Variants in SLC44A1 observed in about 807,000 individuals in gnomAD.
SLC44A1 encodes solute carrier family 44 member 1, also known as choline transporter-like protein 1.
Under a neutral mutation model 79.3 loss-of-function variants are expected in SLC44A1, and 26 were observed. The observed-to-expected ratio is 0.33, with a 90% CI of 0.24 to 0.46. The LOEUF is 0.46. Ranked by LOEUF, SLC44A1 falls within the 20% of genes least tolerant of loss-of-function variation. The pLI is 1.00. For synonymous variants in SLC44A1, 263 were observed against 286.2 expected (o/e 0.92, Z 0.82); for missense variants, 688 against 798.1 (o/e 0.86, Z 1.66).
chr9:105,265,911 T>C (rs571323241), intron 1 of SLC44A1, among the ~76,000 whole-genome samples: 1 of 152,284 alleles, frequency 6.6e-6, no homozygotes, highest in East Asian at 1.9e-4. Flanking sequence ...TCTGTATATC[T>C]TTCTTGGTGT....
chr9:105,321,198 G>C (rs138831881), intron 3 of SLC44A1, among the ~76,000 whole-genome samples: 4 of 151,830 alleles, frequency 2.6e-5, no homozygotes, highest in African/African-American at 9.7e-5. Flanking sequence ...TTTAGTTAGC[G>C]CTTATGTTGA....
chr9:105,295,596 T>G (rs918994839), intron 1 of SLC44A1, among the ~76,000 whole-genome samples: 4 of 152,234 alleles, frequency 2.6e-5, no homozygotes, highest in Admixed American at 6.5e-5. Flanking sequence ...ATAACACATC[T>G]CACTTGCTTT....
chr9:105,388,141 A>T (rs1414061278), intron 15 of SLC44A1, among the ~76,000 whole-genome samples: 2 of 152,204 alleles, frequency 1.3e-5, no homozygotes, highest in African/African-American at 4.8e-5. Flanking sequence ...TTAAATGGTT[A>T]AAAAGTTCCC....
Position 105,404,612 on chromosome 9 carries a change from CTGTAGGACTACGATGA to C in SLC44A1, c.1950+19112_1950+19127del, listed in dbSNP as rs1162526569. ...TAAAATGTTATATGCTCAGCCTGTG[CTGTAGGACTACGATGA>C]TAAATAAATGAACTTAGGGGATAGG... On this transcript the variant is annotated intron_variant, in intron 15 of 15. Coordinates refer to the SLC44A1 transcript ENST00000374724. 2.5e-3 allele frequency among the ~76,000 whole-genome samples: 375 copies of C among 152,324 alleles called. 4 individuals are homozygous for C. The highest frequency in any genetic ancestry group is 3.4e-3 in the Middle Eastern group (1 of 294).
At chr9:105,364,049 A>C (rs866091776) in intron 9 of SLC44A1, among the ~76,000 whole-genome samples, 2 of 152,308 alleles carry the variant, frequency 1.3e-5, no homozygotes, top group Middle Eastern at 6.8e-3. Flanking sequence ...ATAGTTAGAC[A>C]CTCAGACTTT....
chr9:105,358,324 G>A lies in SLC44A1; in HGVS notation c.671-20G>A, dbSNP rs766827429. ...TGCATTTTCAAATAATATTCTATAT[G>A]TTCTCTATCTTCCCTGCAGTTCTAT... is the stretch of plus-strand genomic sequence containing the variant. On this transcript the variant is annotated intron_variant, in intron 6 of 15. Transcript: ENST00000374720. 2.3e-6 allele frequency: 3 copies of A among 1,298,516 alleles called. No individual in the cohort carries two copies. The Admixed American group carries it at 5.4e-5, about 23-fold the overall frequency. The allele number at this position is 1,298,516 out of a possible 1,614,324, so 80.4% of individuals were successfully genotyped here.
intron 6 of SLC44A1, chr9:105,357,086 A>G (rs1002507379): frequency 6.6e-6 from 1 of 152,206 alleles, no homozygotes; most frequent in Non-Finnish European, 1.5e-5. Flanking sequence ...AATTATAGCC[A>G]TTGAGAAGAT....
intron 3 of SLC44A1, among the ~76,000 whole-genome samples, chr9:105,312,090 G>A (rs1444820470): frequency 1.3e-5 from 2 of 152,058 alleles, no homozygotes; most frequent in African/African-American, 2.4e-5. Context: ...ACTGTCAGCC[G>A]CTAGTACAGT....
chr9:105,266,977 G>A (rs1829977021), intron 1 of SLC44A1, among the ~76,000 whole-genome samples: 1 of 151,300 alleles, frequency 6.6e-6, no homozygotes, highest in Admixed American at 6.6e-5. Flanking sequence ...CCTTCTTTGA[G>A]TTTTTTTTTC....
chr9:105,354,123 T>G (rs928818495), intron 5 of SLC44A1, among the ~76,000 whole-genome samples: 1 of 135,682 alleles, frequency 7.4e-6, no homozygotes, highest in Non-Finnish European at 1.5e-5. Flanking sequence ...CGATCTCGGC[T>G]CACTGCAAGC....
Position 105,347,857 on chromosome 9 carries a change from T to C in SLC44A1, c.407-501T>C, listed in dbSNP as rs189862698. ...GTGTTATATGCATTAATTGTAAGCATTTAGTAATTGAAAGCATAGGAAAAA... is the reference window on the plus strand; with the variant it reads ...GTGTTATATGCATTAATTGTAAGCACTTAGTAATTGAAAGCATAGGAAAAA... On this transcript the variant is annotated intron_variant, in intron 4 of 15. Coordinates refer to ENST00000374720, the MANE Select transcript of SLC44A1 (RefSeq NM_080546.5). Among the ~76,000 whole-genome samples the C allele has an allele frequency of 3.2e-4, 49 of 152,160 alleles. No homozygotes were observed. In the East Asian group the frequency reaches 8.3e-3, roughly 26 times the overall value.
chr9:105,368,804 G>A (rs7044901), intron 12 of SLC44A1, among the ~76,000 whole-genome samples: 7,263 of 152,220 alleles, frequency 0.048, 231 homozygotes, highest in South Asian at 0.1. Context: ...TTTGGAGGCC[G>A]AGGCAGGTGG....
Position 105,335,640 on chromosome 9 carries a change from C to T in SLC44A1, c.347C>T (p.Ala116Val), listed in dbSNP as rs751776745. ...KIKSVALCVA[A>V]CPRQELKTLS... ...AAGTCTGTAGCACTGTGTGTAGCAG[C>T]GTGTCCAAGGCAAGAACTGAAAACT... The change falls in exon 4 of 16, where the codon GCG (alanine) becomes GTG (valine). Residue 116 changes from alanine to valine, a missense_variant. By Grantham distance (64) the Ala-to-Val change is moderately conservative. Coordinates refer to ENST00000374720, the MANE Select transcript of SLC44A1 (RefSeq NM_080546.5). 2.4e-5 allele frequency: 39 copies of T among 1,613,536 alleles called. No homozygotes were observed. The highest frequency in any genetic ancestry group is 9.9e-5 in the South Asian group (9 of 91,020).
At chr9:105,313,780 G>A (rs1005972479) in intron 3 of SLC44A1, among the ~76,000 whole-genome samples, 1 of 151,660 alleles carries the variant, frequency 6.6e-6, no homozygotes, top group Non-Finnish European at 1.5e-5. Flanking sequence ...ATTATTGGAG[G>A]CAGAGTCTTT....
At chr9:105,262,543 G>A (rs1286685189) in intron 1 of SLC44A1, among the ~76,000 whole-genome samples, 5 of 152,162 alleles carry the variant, frequency 3.3e-5, no homozygotes, top group East Asian at 1.9e-4. Context: ...AGAACACATC[G>A]AAAGTATTCT....
At chr9:105,422,937 C>T (rs764776227) in intron 15 of SLC44A1, among the ~76,000 whole-genome samples, 33 of 152,168 alleles carry the variant, frequency 2.2e-4, no homozygotes, top group Non-Finnish European at 4.6e-4. Context: ...TCCTTCTCCC[C>T]GATCATCTCC....
At chr9:105,274,617 G>A (rs1015180204) in intron 1 of SLC44A1, among the ~76,000 whole-genome samples, 2 of 152,156 alleles carry the variant, frequency 1.3e-5, no homozygotes, top group African/African-American at 4.8e-5. Context: ...ATAGGATGAG[G>A]ACCTATCATT....
chr9:105,358,787 ATTCT>A (rs1453804717), intron 7 of SLC44A1, among the ~76,000 whole-genome samples: 1 of 151,904 alleles, frequency 6.6e-6, no homozygotes, highest in African/African-American at 2.4e-5. Context: ...CTTGAAATTC[ATTCT>A]TTCTTGTTTT....
intron 13 of SLC44A1, 59 bp downstream of exon 13, chr9:105,374,794 C>A: frequency 7.2e-7 from 1 of 1,381,338 alleles, no homozygotes; most frequent in South Asian, 1.3e-5. Flanking sequence ...TTTATTTGCT[C>A]TTTTATTTTA....
Sources: gnomAD v4.1 joint callset for allele counts (sites outside exome capture counted in the v4.1 genomes callset) on GRCh38, gnomAD v4.1.1 for gene constraint, MANE v1.5 for transcripts, NCBI Gene and HGNC (gene_info 2026-07-23, HGNC 2026-07-21) for gene names.